The following KCNIP1 variants were observed in gnomAD, a reference collection of about 807,000 sequenced individuals.
The protein encoded by KCNIP1 is A-type potassium channel modulatory protein KCNIP1.
A neutral mutation model predicts 33.0 loss-of-function variants in KCNIP1; 18 were observed. That is an observed-to-expected ratio of 0.55 (90% CI 0.38 to 0.81). KCNIP1 has a LOEUF of 0.81. Among genes scored for constraint, KCNIP1 ranks in the 30% least tolerant of loss-of-function variants. KCNIP1 has a pLI of 0.00. For synonymous variants in KCNIP1, 93 were observed against 98.3 expected (o/e 0.95, Z 0.32); for missense variants, 238 against 271.6 (o/e 0.88, Z 0.87).
intron 1 of KCNIP1, among the ~76,000 whole-genome samples, chr5:170,647,361 C>T (rs1198471655): frequency 2.0e-5 from 3 of 152,010 alleles, no homozygotes; most frequent in East Asian, 3.9e-4. Context: ...ATTGACACAA[C>T]CTGATTCAAG....
At chr5:170,494,785 T>A (rs1279063695) in intron 1 of KCNIP1, among the ~76,000 whole-genome samples, 1 of 152,196 alleles carries the variant, frequency 6.6e-6, no homozygotes, top group Admixed American at 6.5e-5. Context: ...TTCCCTCCAC[T>A]GCTCCCATCT....
chr5:170,591,545 G>A (rs116686927), intron 1 of KCNIP1, among the ~76,000 whole-genome samples: 1,630 of 152,270 alleles, frequency 0.011, 28 homozygotes, highest in African/African-American at 0.037. Context: ...ACCACCATCT[G>A]TCTCTAGAAT....
intron 1 of KCNIP1, among the ~76,000 whole-genome samples, chr5:170,660,629 C>T (rs1291884344): frequency 2.0e-5 from 3 of 152,206 alleles, no homozygotes; most frequent in African/African-American, 7.2e-5. Context: ...TTAGTGTCTG[C>T]CTCTAGCGAC....
Position 170,390,517 on chromosome 5 carries a change from A to AATATATATATATATATATATATATATAT in KCNIP1, c.88+36575_88+36576insATATATATATATATATATATATATATAT, listed in dbSNP as rs1554088940. 2.5e-3 allele frequency among the ~76,000 whole-genome samples: 188 copies of AATATATATATATATATATATATATATAT among 74,296 alleles called. 3 individuals are homozygous for AATATATATATATATATATATATATATAT. Among genetic ancestry groups the AATATATATATATATATATATATATATAT allele is most frequent in the Non-Finnish European group, 3.0e-3 (122 of 40,052 alleles). 48.7% of individuals were successfully genotyped at this position (74,296 alleles called of 152,430 possible). On this transcript the variant is annotated intron_variant, in intron 1 of 7. Transcript: ENST00000377360. ...GACCCCGTCTCAAAAAAAAAAAACA[A>AATATATATATATATATATATATATATAT]ATATATATATATATATATATATTTT...
intron 1 of KCNIP1, among the ~76,000 whole-genome samples, chr5:170,551,955 AGT>A (rs113050608): frequency 6.6e-4 from 99 of 149,294 alleles, no homozygotes; most frequent in African/African-American, 2.2e-3. Flanking sequence ...TGTGTGTCTG[AGT>A]GTGTGTATGT....
chr5:170,406,955 C>G (rs1006910902), intron 1 of KCNIP1, among the ~76,000 whole-genome samples: 2 of 152,230 alleles, frequency 1.3e-5, no homozygotes, highest in African/African-American at 4.8e-5. Context: ...CAGACTCAAC[C>G]CAGCACCATT....
intron 1 of KCNIP1, among the ~76,000 whole-genome samples, chr5:170,363,143 A>T (rs763408178): frequency 2.0e-5 from 3 of 152,196 alleles, no homozygotes; most frequent in Non-Finnish European, 4.4e-5. Flanking sequence ...AGTTGTTTTT[A>T]TTCCAAACCA....
chr5:170,672,639 G>A (rs941299081), intron 1 of KCNIP1, among the ~76,000 whole-genome samples: 2 of 152,282 alleles, frequency 1.3e-5, no homozygotes, highest in Non-Finnish European at 1.5e-5. Flanking sequence ...ACTCACCAGT[G>A]TAATTTAGCC....
intron 1 of KCNIP1, among the ~76,000 whole-genome samples, chr5:170,674,088 T>A (rs1762025485): frequency 6.7e-6 from 1 of 149,240 alleles, no homozygotes; most frequent in South Asian, 2.1e-4. Flanking sequence ...GTAGGGGATT[T>A]AGCAGCATAC....
At chr5:170,501,740 A>C (rs1757417463), upstream of KCNIP1, among the ~76,000 whole-genome samples, 1 of 152,224 alleles carries the variant, frequency 6.6e-6, no homozygotes, top group African/African-American at 2.4e-5. Context: ...GGTATCCCTG[A>C]CAAGTTGGCA....
At chr5:170,504,019 C>A, upstream of KCNIP1, 1 of 985,118 alleles carries the variant, frequency 1.0e-6, no homozygotes, top group East Asian at 1.1e-4. The surrounding 1 kb of genome is among the most constrained non-coding windows in gnomAD (Gnocchi z 6.0). Context: ...TCCGCCGCTC[C>A]GACTCTCGCC....
At chr5:170,595,005 G>A (rs954029111) in intron 1 of KCNIP1, among the ~76,000 whole-genome samples, 5 of 152,114 alleles carry the variant, frequency 3.3e-5, no homozygotes, top group African/African-American at 7.2e-5. Context: ...AGGGAGTACC[G>A]GGCCAATCCA....
chr5:170,368,322 T>C (rs1159782102), intron 1 of KCNIP1, among the ~76,000 whole-genome samples: 1 of 152,206 alleles, frequency 6.6e-6, no homozygotes, highest in African/African-American at 2.4e-5. Context: ...TGGAGTGCAG[T>C]GGCGCAATCT....
At chr5:170,643,067 T>C (rs977258647) in intron 1 of KCNIP1, among the ~76,000 whole-genome samples, 1 of 152,222 alleles carries the variant, frequency 6.6e-6, no homozygotes, top group Non-Finnish European at 1.5e-5. Context: ...TATCCTAGAT[T>C]ATCCAGGTGG....
chr5:170,700,843 A>G (rs945141223), intron 1 of KCNIP1, among the ~76,000 whole-genome samples: 3 of 152,232 alleles, frequency 2.0e-5, no homozygotes, highest in East Asian at 1.9e-4. Flanking sequence ...GGTACACCCA[A>G]CACGCATCAG....
intron 1 of KCNIP1, among the ~76,000 whole-genome samples, chr5:170,584,232 A>G (rs901563056): frequency 6.6e-6 from 1 of 152,236 alleles, no homozygotes; most frequent in Non-Finnish European, 1.5e-5. Context: ...CACGGGAGCC[A>G]TGCCATGATC....
intron 1 of KCNIP1, among the ~76,000 whole-genome samples, chr5:170,635,822 C>T (rs775534767): frequency 7.9e-5 from 12 of 152,338 alleles, no homozygotes; most frequent in South Asian, 4.1e-4. Flanking sequence ...TGCTGGGCCA[C>T]GCTGATGGGC....
At chr5:170,427,381 G>C (rs1001777480) in intron 1 of KCNIP1, among the ~76,000 whole-genome samples, 2 of 152,166 alleles carry the variant, frequency 1.3e-5, no homozygotes, top group African/African-American at 2.4e-5. Context: ...GTCTGGACAG[G>C]AGCATTATAG....
intron 5 of KCNIP1, among the ~76,000 whole-genome samples, chr5:170,730,930 G>C (rs372473592): frequency 1.1e-4 from 17 of 151,962 alleles, no homozygotes; most frequent in African/African-American, 4.1e-4. Flanking sequence ...ATTAAGTACT[G>C]GATTATAACC....
Sources: gnomAD v4.1 joint callset for allele counts (sites outside exome capture counted in the v4.1 genomes callset) on GRCh38, gnomAD v4.1.1 for gene constraint, Gnocchi (gnomAD v3.1) non-coding constraint, MANE v1.5 for transcripts, NCBI Gene and HGNC (gene_info 2026-07-23, HGNC 2026-07-21) for gene names.